The following RIN3 variants were observed in gnomAD, a reference collection of about 807,000 sequenced individuals.
RIN3 encodes Ras and Rab interactor 3.
A neutral mutation model predicts 76.3 loss-of-function variants in RIN3; 54 were observed. That is an observed-to-expected ratio of 0.71 (90% CI 0.57 to 0.89). The LOEUF (loss-of-function observed/expected upper bound fraction) is 0.89, where lower values mean the gene tolerates loss of function less well. Ranked by LOEUF, RIN3 falls within the 40% of genes least tolerant of loss-of-function variation. The pLI is 0.00. For missense variants in RIN3, 1,256 were observed against 1,322.1 expected (o/e 0.95, Z 0.78); for synonymous variants, 576 against 564.0 (o/e 1.02, Z -0.30).
intron 1 of RIN3, chr14:92,515,473 T>G (rs1456468656): frequency 4.0e-6 from 2 of 502,912 alleles, no homozygotes; most frequent in Non-Finnish European, 3.5e-6. Flanking sequence ...ACTCTCTGTA[T>G]CTCAGTTCAC....
Position 92,688,165 on chromosome 14 carries a change from C to G in RIN3, c.2871C>G (p.His957Gln). ...LLRSEPKRDF[H>Q]FVYRPLDGGG... ...GCAGCGAGCCCAAGCGCGACTTCCA[C>G]TTTGTCTACCGGCCCCTGGACGGTG... Residue 957 changes from histidine (H) to glutamine (Q), a missense_variant, in exon 10 of 10, where the codon CAC (histidine) becomes CAG (glutamine). By Grantham distance (24) the His-to-Gln change is conservative. This residue lies in a region of RIN3 where 218 missense variants were observed against 174.5 expected (regional missense o/e 1.25). Coordinates refer to ENST00000216487, the MANE Select transcript of RIN3 (RefSeq NM_024832.5). 6.2e-7 allele frequency: 1 copy of G among 1,608,902 alleles called. No individual in the cohort carries two copies. The highest frequency in any genetic ancestry group is 8.5e-7 in the Non-Finnish European group (1 of 1,178,616).
chr14:92,566,434 G>A lies in RIN3; in HGVS notation c.249+10479G>A, dbSNP rs139117710. Among the ~76,000 whole-genome samples the A allele has an allele frequency of 4.8e-3, 738 of 152,294 alleles. 6 individuals carry two copies. Among genetic ancestry groups the A allele is most frequent in the Non-Finnish European group, 6.3e-3 (430 of 68,022 alleles). The stretch of plus-strand genomic sequence containing the variant: ...GCATTATTGTTAGGGAACACATATT[G>A]TTCCAAATGCTTTATTGACCACCCG... On this transcript the variant is annotated intron_variant, in intron 2 of 9. Coordinates refer to ENST00000216487, the MANE Select transcript of RIN3 (RefSeq NM_024832.5).
rs1888948303 is a variant in RIN3, at chr14:92,688,196, G to A, written c.2902G>A (p.Gly968Ser). The A allele has an allele frequency of 1.6e-6, 2 of 1,247,034 alleles. No homozygotes were observed. Among genetic ancestry groups the A allele is most frequent in the Non-Finnish European group, 2.1e-6 (2 of 944,452 alleles). The allele number at this position is 1,247,034 out of a possible 1,614,324, so 77.2% of individuals were successfully genotyped here. Residue 968 changes from glycine (G) to serine (S), a missense_variant, in exon 10 of 10, where the codon GGC becomes AGC. By Grantham distance (56) the Gly-to-Ser change is moderately conservative. Coordinates refer to ENST00000216487, the MANE Select transcript of RIN3 (RefSeq NM_024832.5). Reference sequence around the variant, plus strand: ...CTACCGGCCCCTGGACGGTGGTGGCGGCGGCGGCGGCGGGAGCCCGCCCTG... The same window carrying A: ...CTACCGGCCCCTGGACGGTGGTGGCAGCGGCGGCGGCGGGAGCCCGCCCTG... ...FVYRPLDGGG[G>S]GGGGSPPCLV...
At chr14:92,662,226 GTC>G (rs945983019) in intron 7 of RIN3, among the ~76,000 whole-genome samples, 2 of 152,210 alleles carry the variant, frequency 1.3e-5, no homozygotes, top group African/African-American at 4.8e-5. Flanking sequence ...AGTCCTGGCT[GTC>G]TCTGCAGCAG....
intron 3 of RIN3, among the ~76,000 whole-genome samples, chr14:92,614,708 C>G (rs8020568): frequency 0.037 from 5,550 of 151,856 alleles, 341 homozygotes; most frequent in African/African-American, 0.13. Context: ...CTGTCATTCT[C>G]TGTCTGCCAT....
intron 6 of RIN3, among the ~76,000 whole-genome samples, chr14:92,657,529 TC>T (rs1887716140): frequency 6.6e-6 from 1 of 152,078 alleles, no homozygotes; most frequent in Admixed American, 6.6e-5. Context: ...ATCCTGCGGC[TC>T]TTAGATGTGA....
chr14:92,613,461 A>G (rs1566868175), intron 3 of RIN3, among the ~76,000 whole-genome samples: 4 of 152,238 alleles, frequency 2.6e-5, no homozygotes, highest in Admixed American at 1.3e-4. Flanking sequence ...ATAGACAAAT[A>G]TAATTTTTTT....
chr14:92,659,141 G>A lies in RIN3; in HGVS notation c.2027-20G>A, dbSNP rs199753587. The A allele has an allele frequency of 7.6e-5, 123 of 1,612,492 alleles. No homozygotes were observed. The highest frequency in any genetic ancestry group is 1.9e-4 in the African/African-American group (14 of 74,894). On this transcript the variant is annotated intron_variant, in intron 6 of 9. Transcript: ENST00000216487. ...CCCTGCATCTGGTTTCCTCACCCTCGCTCTCTTGTTTACCTGCAGAAGCAA... is the reference window on the plus strand; with the variant it reads ...CCCTGCATCTGGTTTCCTCACCCTCACTCTCTTGTTTACCTGCAGAAGCAA...
chr14:92,555,702 T>G, intron 1 of RIN3, 49 bp from the exon 2 acceptor site: 3 of 1,589,796 alleles, frequency 1.9e-6, no homozygotes, highest in Non-Finnish European at 2.6e-6. Flanking sequence ...GTTATAAACC[T>G]TCTCTGGGCT....
chr14:92,687,524 G>C (rs543012951), intron 9 of RIN3: 1 of 211,572 alleles, frequency 4.7e-6, no homozygotes, highest in South Asian at 7.9e-5. Context: ...GCCCGGGCGG[G>C]CTCGCACCTC....
rs760445609 is a variant in RIN3, at chr14:92,636,785, C to T, written c.441-4453C>T. ...ATGATGTGGGCCAGGCATGGTGGCT[C>T]ATGCCTGTAATCCCAGCACTTTGGG... On this transcript the variant is annotated intron_variant, in intron 4 of 9. Coordinates refer to ENST00000216487, the MANE Select transcript of RIN3 (RefSeq NM_024832.5). Among the ~76,000 whole-genome samples, 26 of 152,134 alleles carry T rather than the reference C, an allele frequency of 1.7e-4. 1 individual carries two copies. The highest frequency in any genetic ancestry group is 1.5e-5 in the Non-Finnish European group (1 of 68,028).
In RIN3 at chr14:92,685,177, G is replaced by A. The variant is rs779074767; in HGVS notation, c.2631+27G>A. 103 of 1,567,538 alleles carry A rather than the reference G, an allele frequency of 6.6e-5. No homozygotes were observed. The South Asian group carries it at 8.6e-4, about 13-fold the overall frequency. The stretch of plus-strand genomic sequence containing the variant: ...TGAGGCCTGAGAGCGGGAGGGGCCC[G>A]GTGGGGCCATGTCCCAGACACCATC... On this transcript the variant is annotated intron_variant, in intron 9 of 9. Coordinates refer to ENST00000216487, the MANE Select transcript of RIN3 (RefSeq NM_024832.5). The surrounding 1 kb of genome is among the most constrained non-coding windows in gnomAD (Gnocchi z 4.7).
intron 2 of RIN3, among the ~76,000 whole-genome samples, chr14:92,561,447 G>A (rs1897776190): frequency 6.6e-6 from 1 of 151,778 alleles, no homozygotes; most frequent in Non-Finnish European, 1.5e-5. Flanking sequence ...GTATCCAGAA[G>A]CAAGGCAACC....
intron 1 of RIN3, among the ~76,000 whole-genome samples, chr14:92,527,941 C>A (rs546762893): frequency 1.3e-5 from 2 of 152,070 alleles, no homozygotes; most frequent in African/African-American, 4.8e-5. Context: ...ATGACAAATA[C>A]AGGCACTAAC....
intron 3 of RIN3, among the ~76,000 whole-genome samples, chr14:92,612,510 C>G (rs936717372): frequency 2.0e-5 from 3 of 152,198 alleles, no homozygotes; most frequent in African/African-American, 7.2e-5. Context: ...GCCCCTGTGG[C>G]CTTTACCCCT....
At chr14:92,519,877 A>G (rs889366486) in intron 1 of RIN3, among the ~76,000 whole-genome samples, 2 of 152,200 alleles carry the variant, frequency 1.3e-5, no homozygotes, top group Non-Finnish European at 2.9e-5. Context: ...GGCAGTGGGA[A>G]GGCATTACTA....
At position 92,659,243 on chromosome 14, in the gene RIN3, C is replaced by T. The variant is rs1384275724; in HGVS notation, c.2109C>T (p.His703=). 5 of 1,614,124 alleles carry T rather than the reference C, an allele frequency of 3.1e-6. No homozygotes were observed. The Admixed American group carries it at 8.3e-5, about 27-fold the overall frequency. ...EAINSCLHQI[H]SKDGSLQQLK... is the part of the protein sequence containing the mutation. ...TCAACTCATGCCTGCATCAGATCCA[C>T]AGCAAGGATGGTTCGCTGCAGCAGC... Residue 703 remains histidine (H), a synonymous_variant, in exon 7 of 10, where the codon CAC becomes CAT. Coordinates refer to ENST00000216487, the MANE Select transcript of RIN3 (RefSeq NM_024832.5).
At chr14:92,632,410 C>A (rs1389873620) in intron 4 of RIN3, among the ~76,000 whole-genome samples, 2 of 152,186 alleles carry the variant, frequency 1.3e-5, no homozygotes, top group Non-Finnish European at 2.9e-5. Context: ...AAGGTATTAC[C>A]GCTTCAGTGA....
At chr14:92,545,246 A>C (rs1457371920) in intron 1 of RIN3, among the ~76,000 whole-genome samples, 1 of 150,956 alleles carries the variant, frequency 6.6e-6, no homozygotes, top group South Asian at 2.1e-4. Context: ...AGTAGGTGGG[A>C]CTACAGGCAC....
Sources: gnomAD v4.1 joint callset for allele counts (sites outside exome capture counted in the v4.1 genomes callset) on GRCh38, gnomAD v4.1.1 for gene constraint, gnomAD v4.1.1 regional missense constraint, Gnocchi (gnomAD v3.1) non-coding constraint, MANE v1.5 for transcripts, NCBI Gene and HGNC (gene_info 2026-07-23, HGNC 2026-07-21) for gene names.